The following MINDY4 variants were observed in gnomAD, a reference collection of about 807,000 sequenced individuals.
MINDY4 encodes probable ubiquitin carboxyl-terminal hydrolase MINDY-4.
Under a neutral mutation model 87.0 loss-of-function variants are expected in MINDY4, and 68 were observed. That is an observed-to-expected ratio of 0.78 (90% CI 0.64 to 0.96). The LOEUF (loss-of-function observed/expected upper bound fraction) is 0.96, where lower values mean the gene tolerates loss of function less well. Among genes scored for constraint, MINDY4 ranks in the 40% least tolerant of loss-of-function variants. The pLI, the probability that MINDY4 is intolerant of heterozygous loss-of-function variation, is 0.00. For missense variants in MINDY4, 919 were observed against 928.2 expected (o/e 0.99, Z 0.13); for synonymous variants, 379 against 363.2 (o/e 1.04, Z -0.50).
intron 5 of MINDY4, among the ~76,000 whole-genome samples, chr7:30,821,264 C>T (rs997212512): frequency 1.3e-5 from 2 of 152,088 alleles, no homozygotes; most frequent in Non-Finnish European, 2.9e-5. Flanking sequence ...TTCTTTTCTT[C>T]CTGATATGAG....
At chr7:30,867,715 G>A (rs895087530) in intron 13 of MINDY4, among the ~76,000 whole-genome samples, 5 of 152,154 alleles carry the variant, frequency 3.3e-5, no homozygotes, top group African/African-American at 4.8e-5. Context: ...GGGGAAGTGT[G>A]GTCAAGGGTC....
intron 17 of MINDY4, among the ~76,000 whole-genome samples, chr7:30,885,312 G>A (rs138672176): frequency 0.021 from 3,143 of 152,250 alleles, 57 homozygotes; most frequent in Middle Eastern, 0.045. Flanking sequence ...CTGAGGTCGG[G>A]AGTTTGAGAC....
rs935894426 is a variant in MINDY4, at chr7:30,784,115, A to G, written c.420-1634A>G. Reference sequence around the variant, plus strand: ...CCAAAAGGTGGCACCATGACAAGCAATTAGCACAAGGATTCAGAGGTGGAG... The same window carrying G: ...CCAAAAGGTGGCACCATGACAAGCAGTTAGCACAAGGATTCAGAGGTGGAG... On this transcript the variant is annotated intron_variant, in intron 3 of 17. Transcript: ENST00000265299. Among the ~76,000 whole-genome samples, 2 of 151,412 alleles carry G rather than the reference A, an allele frequency of 1.3e-5. 1 individual carries two copies. Among genetic ancestry groups the G allele is most frequent in the African/African-American group, 4.9e-5 (2 of 41,042 alleles).
intron 12 of MINDY4, chr7:30,858,862 G>T: frequency 2.5e-6 from 1 of 393,782 alleles, no homozygotes; most frequent in South Asian, 1.9e-5. Flanking sequence ...CAGTTTCTGA[G>T]CCTCAGTTCC....
At chr7:30,847,024 C>G (rs750675892) in intron 9 of MINDY4, among the ~76,000 whole-genome samples, 3 of 151,920 alleles carry the variant, frequency 2.0e-5, no homozygotes, top group East Asian at 1.9e-4. Flanking sequence ...GTTGGGAACT[C>G]CTGGGTTAAA....
At chr7:30,877,176 G>A (rs7802898) in intron 15 of MINDY4, among the ~76,000 whole-genome samples, 4 of 152,264 alleles carry the variant, frequency 2.6e-5, no homozygotes, top group South Asian at 2.1e-4. Flanking sequence ...CTCGAGCACC[G>A]GATCCTGGGT....
In MINDY4 at chr7:30,817,590, G is replaced by C. The variant is rs1000230814; in HGVS notation, c.1074-11089G>C. Among the ~76,000 whole-genome samples, 8 of 152,128 alleles carry C rather than the reference G, an allele frequency of 5.3e-5. 1 individual carries two copies. The highest frequency in any genetic ancestry group is 1.0e-4 in the Non-Finnish European group (7 of 68,016). Reference sequence around the variant, plus strand: ...CTGGTGGGCACCTCCAGTGTTTGCTGTGTGCATACCTGGCCAAGAAGTGCT... The same window carrying C: ...CTGGTGGGCACCTCCAGTGTTTGCTCTGTGCATACCTGGCCAAGAAGTGCT... On this transcript the variant is annotated intron_variant, in intron 5 of 17. Coordinates refer to ENST00000265299, the MANE Select transcript of MINDY4 (RefSeq NM_032222.3).
intron 9 of MINDY4, among the ~76,000 whole-genome samples, chr7:30,844,235 C>T (rs914015246): frequency 6.6e-6 from 1 of 152,186 alleles, no homozygotes; most frequent in Non-Finnish European, 1.5e-5. Context: ...ATTCTTCAGA[C>T]TCCCCTGAGA....
intron 5 of MINDY4, 81 bp from the exon 6 acceptor site, chr7:30,828,598 C>A: frequency 7.1e-7 from 1 of 1,401,624 alleles, no homozygotes; most frequent in Non-Finnish European, 1.0e-6. Context: ...GAATGCCTAT[C>A]CATCGCTCTT....
chr7:30,829,106 C>T (rs114164263), intron 6 of MINDY4, among the ~76,000 whole-genome samples: 349 of 152,234 alleles, frequency 2.3e-3, no homozygotes, highest in African/African-American at 8.0e-3. Flanking sequence ...TGGGAAGGCC[C>T]GTCCTTTTTA....
intron 17 of MINDY4, among the ~76,000 whole-genome samples, chr7:30,887,923 C>T (rs1296752101): frequency 6.6e-6 from 1 of 152,222 alleles, no homozygotes; most frequent in African/African-American, 2.4e-5. Context: ...AGCTGCTCCT[C>T]ATTCCGAATG....
chr7:30,884,306 G>A (rs772336852), intron 17 of MINDY4, among the ~76,000 whole-genome samples: 24 of 152,194 alleles, frequency 1.6e-4, no homozygotes, highest in East Asian at 1.2e-3. Flanking sequence ...CCGTCCATCC[G>A]TTCGTCCATC....
At position 30,829,701 on chromosome 7, in the gene MINDY4, G is replaced by A. The variant is rs73689309; in HGVS notation, c.1132+964G>A. 7.6e-3 allele frequency among the ~76,000 whole-genome samples: 1,151 copies of A among 152,336 alleles called. 13 individuals carry two copies. Among genetic ancestry groups the A allele is most frequent in the African/African-American group, 0.026 (1,095 of 41,570 alleles). The stretch of plus-strand genomic sequence containing the variant: ...AGTAGCAGATCCTCAGAGCTCCCCA[G>A]ATGGGGTAGATGTCTGTGCATGGCT... On this transcript the variant is annotated intron_variant, in intron 6 of 17. Transcript: ENST00000265299.
chr7:30,784,751 C>T (rs969186021), intron 3 of MINDY4, among the ~76,000 whole-genome samples: 1 of 152,172 alleles, frequency 6.6e-6, no homozygotes, highest in Non-Finnish European at 1.5e-5. Flanking sequence ...AGGCTGGTTC[C>T]AGCCTCTTCT....
Position 30,853,281 on chromosome 7 carries a change from G to A in MINDY4, c.1612-113G>A, listed in dbSNP as rs1021678457. Reference sequence around the variant, plus strand: ...TGGAGATGCTGCTCTCTGACGCAGGGACATTCCCAAGTTGGATTTTGTAGC... The same window carrying A: ...TGGAGATGCTGCTCTCTGACGCAGGAACATTCCCAAGTTGGATTTTGTAGC... On this transcript the variant is annotated intron_variant, in intron 11 of 17. Coordinates refer to ENST00000265299, the MANE Select transcript of MINDY4 (RefSeq NM_032222.3). 3.3e-5 allele frequency: 27 copies of A among 810,156 alleles called. No homozygotes were observed. In the African/African-American group the frequency reaches 4.2e-4, roughly 13 times the overall value. 50.2% of individuals were successfully genotyped at this position (810,156 alleles called of 1,614,324 possible). A position where few individuals can be genotyped will look rare whatever the true frequency, so the allele number is the denominator to read the frequency against.
In MINDY4 at chr7:30,839,008, A is replaced by G. The variant is rs879067958; in HGVS notation, c.1240-192A>G. ...AAGATGTTCCAGAGGTAAGACCCTC[A>G]TTATTGAGTTTCTCTTTCATCAAAT... On this transcript the variant is annotated intron_variant, in intron 7 of 17. Coordinates refer to ENST00000265299, the MANE Select transcript of MINDY4 (RefSeq NM_032222.3). 3.3e-5 allele frequency among the ~76,000 whole-genome samples: 5 copies of G among 152,214 alleles called. No homozygotes were observed. In the South Asian group the frequency reaches 1.0e-3, roughly 32 times the overall value.
chr7:30,838,783 C>T (rs1292090997), intron 7 of MINDY4, among the ~76,000 whole-genome samples: 5 of 152,154 alleles, frequency 3.3e-5, no homozygotes, highest in Non-Finnish European at 7.4e-5. Context: ...GGTGTGTTTT[C>T]TGAACATCAA....
At chr7:30,838,625 G>C (rs79021386) in intron 7 of MINDY4, among the ~76,000 whole-genome samples, 562 of 152,256 alleles carry the variant, frequency 3.7e-3, no homozygotes, top group Non-Finnish European at 5.7e-3. Flanking sequence ...AACAGGTGGT[G>C]GGGGCAGATT....
In MINDY4 at chr7:30,830,538, A is replaced by G. The variant is rs56718052; in HGVS notation, c.1132+1801A>G. 7.5e-3 allele frequency among the ~76,000 whole-genome samples: 1,149 copies of G among 152,340 alleles called. 13 individuals carry two copies. The highest frequency in any genetic ancestry group is 0.026 in the African/African-American group (1,093 of 41,578). ...GGGAAGCAAACATGTCCTTCTTCAC[A>G]TGGTGGCAGGAAGGAGAAGTCCCCA... On this transcript the variant is annotated intron_variant, in intron 6 of 17. Transcript: ENST00000265299.
Sources: allele counts gnomAD v4.1 joint callset (sites outside exome capture counted in the v4.1 genomes callset), GRCh38; gene constraint gnomAD v4.1.1; transcripts MANE v1.5; gene names NCBI Gene and HGNC (gene_info 2026-07-23, HGNC 2026-07-21).